CYB5D2: variants seen among roughly 807,000 people sequenced by gnomAD.
The protein encoded by CYB5D2 is neuferricin.
A neutral mutation model predicts 22.8 loss-of-function variants in CYB5D2; 23 were observed. The observed-to-expected ratio is 1.01, with a 90% confidence interval of 0.73 to 1.43. The LOEUF (loss-of-function observed/expected upper bound fraction) is 1.43. Among genes scored for constraint, CYB5D2 ranks in the 40% most tolerant of loss-of-function variants. The pLI, the probability that CYB5D2 is intolerant of heterozygous loss-of-function variation, is 0.00. For missense variants in CYB5D2, 373 were observed against 357.2 expected (o/e 1.04, Z -0.36); for synonymous variants, 170 against 152.2 (o/e 1.12, Z -0.86).
At chr17:4,144,138 G>A in intron 1 of CYB5D2, 133 bp downstream of exon 1, 3 of 1,296,422 alleles carry the variant, frequency 2.3e-6, no homozygotes, top group East Asian at 4.9e-5. Flanking sequence ...CCGTGCGGTG[G>A]GCGGGACGAG....
intron 1 of CYB5D2, among the ~76,000 whole-genome samples, chr17:4,146,330 T>C (rs2058991005): frequency 6.6e-6 from 1 of 152,138 alleles, no homozygotes; most frequent in Non-Finnish European, 1.5e-5. Flanking sequence ...CCTGGCCTCA[T>C]GTGATCCACC....
intron 1 of CYB5D2, among the ~76,000 whole-genome samples, chr17:4,145,003 G>GTCTCGATCTCCTGACCT (rs1407273035): frequency 2.0e-5 from 3 of 152,016 alleles, no homozygotes; most frequent in Non-Finnish European, 4.4e-5. Context: ...AGCCAGGATG[G>GTCTCGATCTCCTGACCT]TCTCGATCTC....
At chr17:4,150,061 T>C in intron 2 of CYB5D2, 30 bp downstream of exon 2, 1 of 1,612,482 alleles carries the variant, frequency 6.2e-7, no homozygotes. Context: ...TACATTTCAT[T>C]TGGTTGTCTG....
Position 4,143,634 on chromosome 17 carries a change from C to T in CYB5D2, c.-122C>T. 1 of 1,391,544 alleles carries T rather than the reference C, an allele frequency of 7.2e-7. No homozygotes were observed. The highest frequency in any genetic ancestry group is 9.7e-7 in the Non-Finnish European group (1 of 1,028,294). The allele number at this position is 1,391,544 out of a possible 1,614,324, so 86.2% of individuals were successfully genotyped here. A position where few individuals can be genotyped will look rare whatever the true frequency, so the allele number is the denominator to read the frequency against. On this transcript the variant is annotated 5_prime_UTR_variant, in exon 1 of 4. Coordinates refer to ENST00000301391, the MANE Select transcript of CYB5D2 (RefSeq NM_144611.4). ...GAGACTAAGGGAGGGAGCGCGAGCA[C>T]TAGCGCGCGAGAGAGAGAGCGAGAG...
Position 4,143,198 on chromosome 17 carries a change from C to T in CYB5D2, c.-558C>T. ...CGTCATTCCGTAGCCTCCGCTGCCG[C>T]CATCTTTGTTGGGGCTGACAACCTG... On this transcript the variant is annotated 5_prime_UTR_variant, in exon 1 of 4. Coordinates refer to ENST00000301391, the MANE Select transcript of CYB5D2 (RefSeq NM_144611.4). The T allele has an allele frequency of 3.0e-6, 1 of 333,596 alleles. No individual in the cohort carries two copies. The highest frequency in any genetic ancestry group is 5.2e-6 in the Non-Finnish European group (1 of 192,934). 20.7% of individuals were successfully genotyped at this position (333,596 alleles called of 1,614,324 possible). A position where few individuals can be genotyped will look rare whatever the true frequency, so the allele number is the denominator to read the frequency against.
At chr17:4,150,089 TGAG>T (rs2059039040) in intron 2 of CYB5D2, 58 bp downstream of exon 2, 1 of 1,592,330 alleles carries the variant, frequency 6.3e-7, no homozygotes, top group Non-Finnish European at 8.6e-7. Context: ...TTTAGGGGGC[TGAG>T]ATTTTTTAGG....
intron 3 of CYB5D2, among the ~76,000 whole-genome samples, chr17:4,156,350 A>C (rs546236343): frequency 6.6e-6 from 1 of 152,280 alleles, no homozygotes; most frequent in East Asian, 1.9e-4. Context: ...TTGCAGCTAC[A>C]CTCTATGCCA....
rs2058926761 is a variant in CYB5D2 at position 4,143,726 on chromosome 17, C to G, written c.-30C>G. ...TAGCTGTAGATAGAGGCGGCAACCT[C>G]GGAAGTGCGGAGCGGGTGGGCCTAT... On this transcript the variant is annotated 5_prime_UTR_variant, in exon 1 of 4. Transcript: ENST00000301391. 1.9e-6 allele frequency: 3 copies of G among 1,583,572 alleles called. No homozygotes were observed. Among genetic ancestry groups the G allele is most frequent in the Non-Finnish European group, 2.6e-6 (3 of 1,161,532 alleles).
chr17:4,143,978 C>G lies in CYB5D2; in HGVS notation c.223C>G (p.Pro75Ala). The change falls in exon 1 of 4, where the codon CCT becomes GCT. Residue 75 changes from proline to alanine, a missense_variant. Transcript: ENST00000301391. ...DVSSGRRHYE[P>A]GSHYSGFAGR... ...GTCCTCCGGCCGGAGGCACTACGAG[C>G]CTGGGTCCCACTATAGCGGCTTCGC... is the stretch of plus-strand genomic sequence containing the variant. The G allele has an allele frequency of 6.2e-7, 1 of 1,611,132 alleles. No homozygotes were observed. The highest frequency in any genetic ancestry group is 8.5e-7 in the Non-Finnish European group (1 of 1,179,110).
chr17:4,157,237 C>A lies in CYB5D2; in HGVS notation c.*155C>A. 1.1e-6 allele frequency: 1 copy of A among 882,320 alleles called. No homozygotes were observed. Among genetic ancestry groups the A allele is most frequent in the Admixed American group, 2.5e-5 (1 of 40,280 alleles). 54.7% of individuals were successfully genotyped at this position (882,320 alleles called of 1,614,324 possible). On this transcript the variant is annotated 3_prime_UTR_variant, in exon 4 of 4. Transcript: ENST00000301391. This position sits in a 1 kb window ranked among gnomAD's most constrained non-coding sequence, Gnocchi z 4.4. ...CTGCAAATGTGGCTCATGCCCCTTA[C>A]CGTGGCTCGGCGTTGTGGTGCCTGA...
chr17:4,143,985 C>T lies in CYB5D2; in HGVS notation c.230C>T (p.Ser77Phe). The T allele has an allele frequency of 1.2e-6, 2 of 1,608,358 alleles. No individual in the cohort carries two copies. Among genetic ancestry groups the T allele is most frequent in the East Asian group, 2.2e-5 (1 of 44,784 alleles). The change falls in exon 1 of 4, where the codon TCC (serine) becomes TTC (phenylalanine). Residue 77 changes from serine to phenylalanine, a missense_variant. Coordinates refer to ENST00000301391, the MANE Select transcript of CYB5D2 (RefSeq NM_144611.4). ...SSGRRHYEPG[S>F]HYSGFAGRDA... ...GGCCGGAGGCACTACGAGCCTGGGT[C>T]CCACTATAGCGGCTTCGCAGGTATC...
rs1343009444 is a variant in CYB5D2, at chr17:4,143,500, T to TGGACAACAAGAGCTAAAAC, written c.-255_-237dup. 8.2e-6 allele frequency: 3 copies of TGGACAACAAGAGCTAAAAC among 364,262 alleles called. No individual in the cohort carries two copies. Among genetic ancestry groups the TGGACAACAAGAGCTAAAAC allele is most frequent in the Non-Finnish European group, 1.5e-5 (3 of 204,416 alleles). The allele number at this position is 364,262 out of a possible 1,614,324, so 22.6% of individuals were successfully genotyped here. On this transcript the variant is annotated 5_prime_UTR_variant, in exon 1 of 4. Transcript: ENST00000301391. Reference sequence around the variant, plus strand: ...GAGATTCCGCCAGTGCACTCCAGCCTGGACAACAAGAGCTAAAACTCTGTC... The same window carrying TGGACAACAAGAGCTAAAAC: ...GAGATTCCGCCAGTGCACTCCAGCCTGGACAACAAGAGCTAAAACGGACAACAAGAGCTAAAACTCTGTC...
chr17:4,144,195 G>A (rs961381294), intron 1 of CYB5D2, among the ~76,000 whole-genome samples, 190 bp downstream of exon 1: 1 of 152,102 alleles, frequency 6.6e-6, no homozygotes, highest in Admixed American at 6.5e-5. Flanking sequence ...CGGGACTGTG[G>A]GCCAGCTCTG....
At position 4,143,728 on chromosome 17, in the gene CYB5D2, G is replaced by T; in HGVS notation, c.-28G>T. 1.3e-6 allele frequency: 2 copies of T among 1,585,810 alleles called. No individual in the cohort carries two copies. Among genetic ancestry groups the T allele is most frequent in the Non-Finnish European group, 8.6e-7 (1 of 1,162,674 alleles). ...GCTGTAGATAGAGGCGGCAACCTCG[G>T]AAGTGCGGAGCGGGTGGGCCTATAT... On this transcript the variant is annotated 5_prime_UTR_variant, in exon 1 of 4. Coordinates refer to ENST00000301391, the MANE Select transcript of CYB5D2 (RefSeq NM_144611.4).
intron 1 of CYB5D2, among the ~76,000 whole-genome samples, chr17:4,147,992 G>C (rs1361127562): frequency 6.6e-6 from 1 of 152,252 alleles, no homozygotes; most frequent in Non-Finnish European, 1.5e-5. Context: ...AGAATGATGT[G>C]ATCAGTTTGT....
chr17:4,151,361 C>T (rs1224225742), intron 2 of CYB5D2, among the ~76,000 whole-genome samples: 1 of 152,128 alleles, frequency 6.6e-6, no homozygotes, highest in Non-Finnish European at 1.5e-5. Context: ...TGAAACATTA[C>T]TGGGTTAATA....
In CYB5D2 at chr17:4,143,959, C is replaced by T. The variant is rs750357806; in HGVS notation, c.204C>T (p.Ser68=). Residue 68 remains serine, a synonymous_variant, in exon 1 of 4, where the codon TCC becomes TCT. Transcript: ENST00000301391. The stretch of plus-strand genomic sequence containing the variant: ...TCGGCCGTGTCTACGATGTGTCCTC[C>T]GGCCGGAGGCACTACGAGCCTGGGT... ...ALLGRVYDVS[S]GRRHYEPGSH... The T allele has an allele frequency of 1.4e-5, 23 of 1,612,592 alleles. No individual in the cohort carries two copies. The highest frequency in any genetic ancestry group is 1.3e-4 in the South Asian group (12 of 91,022).
chr17:4,147,564 G>A (rs540839095), intron 1 of CYB5D2, among the ~76,000 whole-genome samples: 33 of 152,256 alleles, frequency 2.2e-4, no homozygotes, highest in South Asian at 1.0e-3. Context: ...AATAAAGAAC[G>A]TGGCAGTGGC....
At chr17:4,153,640 C>T (rs2059081606) in intron 2 of CYB5D2, among the ~76,000 whole-genome samples, 1 of 152,166 alleles carries the variant, frequency 6.6e-6, no homozygotes, top group Non-Finnish European at 1.5e-5. Context: ...AGGCCACTGC[C>T]ACAGTCCGTG....
Sources: gnomAD v4.1 joint callset for allele counts (sites outside exome capture counted in the v4.1 genomes callset) on GRCh38, gnomAD v4.1.1 for gene constraint, Gnocchi (gnomAD v3.1) non-coding constraint, MANE v1.5 for transcripts, NCBI Gene and HGNC (gene_info 2026-07-23, HGNC 2026-07-21) for gene names.